The following CSMD2 variants were observed in gnomAD, a reference collection of about 807,000 sequenced individuals.
The protein encoded by CSMD2 is CUB and sushi domain-containing protein 2.
In CSMD2, 130 loss-of-function variants were observed where a neutral mutation model predicts 398.5. That is an observed-to-expected ratio of 0.33 (90% CI 0.28 to 0.38). The LOEUF is 0.38. Ranked by LOEUF, CSMD2 falls within the 10% of genes least tolerant of loss-of-function variation. CSMD2 has a pLI of 1.00. For synonymous variants in CSMD2, 1,828 were observed against 1,908.5 expected (o/e 0.96, Z 1.10); for missense variants, 3,829 against 4,764.9 (o/e 0.80, Z 5.78).
In CSMD2 at chr1:33,817,468, C is replaced by A. The variant is rs193296395; in HGVS notation, c.1324+2245G>T. On this transcript the variant is annotated intron_variant, in intron 9 of 70. Coordinates refer to ENST00000373381, the MANE Select transcript of CSMD2 (RefSeq NM_001281956.2). ...AAAGATGAAGGAACCCGCCCAGGGC[C>A]AGCAAGCTAAAAGGTGTCAGAGTTG... Among the ~76,000 whole-genome samples the A allele has an allele frequency of 1.1e-4, 17 of 152,232 alleles. No homozygotes were observed. In the East Asian group the frequency reaches 3.3e-3, roughly 29 times the overall value.
At chr1:34,157,681 C>T (rs1319958274) in intron 1 of CSMD2, among the ~76,000 whole-genome samples, 1 of 151,014 alleles carries the variant, frequency 6.6e-6, no homozygotes, top group East Asian at 2.0e-4. Context: ...CCCGACATCA[C>T]ATCTCACTCA....
At chr1:34,159,881 A>G (rs758303617) in intron 1 of CSMD2, among the ~76,000 whole-genome samples, 8 of 152,220 alleles carry the variant, frequency 5.3e-5, no homozygotes, top group Non-Finnish European at 8.8e-5. Context: ...TAATAGGCAC[A>G]TTCGATGAGG....
At chr1:33,787,147 GC>G (rs1035590472) in intron 12 of CSMD2, among the ~76,000 whole-genome samples, 6 of 152,184 alleles carry the variant, frequency 3.9e-5, no homozygotes, top group Non-Finnish European at 8.8e-5. Context: ...AGGACTCACA[GC>G]CACCACCAGA....
At chr1:34,088,241 C>T (rs899797718) in intron 2 of CSMD2, among the ~76,000 whole-genome samples, 1 of 152,234 alleles carries the variant, frequency 6.6e-6, no homozygotes, top group African/African-American at 2.4e-5. Flanking sequence ...CCTTTGGCTT[C>T]CTGTAGAGCC....
chr1:34,108,191 T>C (rs1558399824), intron 1 of CSMD2, among the ~76,000 whole-genome samples: 1 of 152,120 alleles, frequency 6.6e-6, no homozygotes. Flanking sequence ...ATAGGCAACT[T>C]CAAGCCCTGT....
At chr1:33,697,101 A>AAGTCC (rs146719293) in intron 24 of CSMD2, among the ~76,000 whole-genome samples, 3,817 of 152,266 alleles carry the variant, frequency 0.025, 127 homozygotes, top group African/African-American at 0.079. Flanking sequence ...TGAACCCAAT[A>AAGTCC]AGTCCAGTCC....
Position 34,024,638 on chromosome 1 carries a change from G to A in CSMD2, c.517+7956C>T, listed in dbSNP as rs554720422. Among the ~76,000 whole-genome samples the A allele has an allele frequency of 2.4e-4, 36 of 152,304 alleles. 1 individual carries two copies. The South Asian group carries it at 7.5e-3, about 32-fold the overall frequency. On this transcript the variant is annotated intron_variant, in intron 3 of 70. Transcript: ENST00000373381. ...CTCCAACTCCCAAGGCAGAGCCATCGGAAATGGAACAGGTTCACTCAGGAA... is the reference window on the plus strand; with the variant it reads ...CTCCAACTCCCAAGGCAGAGCCATCAGAAATGGAACAGGTTCACTCAGGAA...
At chr1:33,927,570 T>C (rs1380974395) in intron 4 of CSMD2, among the ~76,000 whole-genome samples, 1 of 152,196 alleles carries the variant, frequency 6.6e-6, no homozygotes, top group Non-Finnish European at 1.5e-5. Flanking sequence ...GACTTCCTTG[T>C]GGTCACATAG....
At chr1:33,967,546 C>A (rs1027086785) in intron 3 of CSMD2, among the ~76,000 whole-genome samples, 4 of 152,200 alleles carry the variant, frequency 2.6e-5, no homozygotes, top group Non-Finnish European at 4.4e-5. Flanking sequence ...CCTCTGCACT[C>A]CCCACATCAA....
rs571438572 is a variant in CSMD2, at chr1:33,543,756, C to A, written c.9101-860G>T. On this transcript the variant is annotated intron_variant, in intron 57 of 70. Transcript: ENST00000373381. ...GTTCTTTAGGAAAGACATTTTCTAT[C>A]ATCAAATATTTGCTTACCCTGAAAT... Among the ~76,000 whole-genome samples, 6 of 152,330 alleles carry A rather than the reference C, an allele frequency of 3.9e-5. No homozygotes were observed. The East Asian group carries it at 1.2e-3, about 29-fold the overall frequency.
intron 3 of CSMD2, among the ~76,000 whole-genome samples, chr1:33,979,214 G>T (rs1025148819): frequency 1.3e-5 from 2 of 152,162 alleles, no homozygotes; most frequent in African/African-American, 4.8e-5. Context: ...GATGCCCAGG[G>T]TGGCTGTGCC....
chr1:33,579,007 G>A (rs977865550), intron 48 of CSMD2, among the ~76,000 whole-genome samples: 25 of 152,142 alleles, frequency 1.6e-4, no homozygotes, highest in African/African-American at 6.0e-4. Context: ...AGTGACAGAC[G>A]CAGGTGCAAA....
rs776513953 is a variant in CSMD2, at chr1:33,864,665, A to T, written c.921-17669T>A. ...GAGCTAAGTACTTCGAGGAACTTGA[A>T]CTCTACCGTAAACAATGTAATGCCA... is the stretch of plus-strand genomic sequence containing the variant. On this transcript the variant is annotated intron_variant, in intron 5 of 70. Transcript: ENST00000373381. 12 of 1,613,352 alleles carry T rather than the reference A, an allele frequency of 7.4e-6. No homozygotes were observed. The Admixed American group carries it at 8.3e-5, about 11-fold the overall frequency.
At chr1:34,131,895 C>T (rs1316515715) in intron 1 of CSMD2, among the ~76,000 whole-genome samples, 1 of 152,142 alleles carries the variant, frequency 6.6e-6, no homozygotes, top group Non-Finnish European at 1.5e-5. Context: ...GAAAATACTT[C>T]TGAGCGCTCA....
intron 4 of CSMD2, among the ~76,000 whole-genome samples, chr1:33,930,245 A>G (rs1644267965): frequency 6.6e-6 from 1 of 152,194 alleles, no homozygotes; most frequent in South Asian, 2.1e-4. Flanking sequence ...TCAGCCCTGT[A>G]AGGCTGCTAC....
intron 25 of CSMD2, among the ~76,000 whole-genome samples, chr1:33,686,259 ACCCT>A (rs1309500303): frequency 6.6e-6 from 1 of 151,954 alleles, no homozygotes; most frequent in Admixed American, 6.6e-5. Flanking sequence ...ACAAAACAAA[ACCCT>A]CCAGCTCAAC....
chr1:33,538,203 C>T (rs753909479), intron 60 of CSMD2, among the ~76,000 whole-genome samples: 16 of 152,084 alleles, frequency 1.1e-4, no homozygotes, highest in Non-Finnish European at 2.1e-4. Flanking sequence ...TTTCTTTTCA[C>T]ATGTATTACT....
At chr1:33,829,973 C>T (rs1659318233) in intron 6 of CSMD2, among the ~76,000 whole-genome samples, 1 of 152,224 alleles carries the variant, frequency 6.6e-6, no homozygotes, top group Non-Finnish European at 1.5e-5. Context: ...CCCGCCATTG[C>T]CCAGGCTTCA....
At position 34,122,886 on chromosome 1, in the gene CSMD2, G is replaced by A. The variant is rs776303034; in HGVS notation, c.188-33693C>T. Among the ~76,000 whole-genome samples, 35 of 152,140 alleles carry A rather than the reference G, an allele frequency of 2.3e-4. No homozygotes were observed. The Middle Eastern group carries it at 0.01, about 44-fold the overall frequency. ...CTAATCCCATCTCAATGGCAACTCGGGCAAGACACCCTGTCATATATGTCC... is the reference window on the plus strand; with the variant it reads ...CTAATCCCATCTCAATGGCAACTCGAGCAAGACACCCTGTCATATATGTCC... On this transcript the variant is annotated intron_variant, in intron 1 of 70. Transcript: ENST00000373381.
Sources: allele counts gnomAD v4.1 joint callset (sites outside exome capture counted in the v4.1 genomes callset), GRCh38; gene constraint gnomAD v4.1.1; transcripts MANE v1.5; gene names NCBI Gene and HGNC (gene_info 2026-07-23, HGNC 2026-07-21).